CSMD1: variants seen among roughly 807,000 people sequenced by gnomAD.
CSMD1 encodes CUB and Sushi multiple domains 1, also known as CUB and sushi domain-containing protein 1.
In CSMD1, 213 loss-of-function variants were observed where a neutral mutation model predicts 417.5. The ratio of observed to expected loss-of-function variants is 0.51; its 90% CI spans 0.46 to 0.57. CSMD1 has a LOEUF of 0.57. Among genes scored for constraint, CSMD1 ranks in the 20% least tolerant of loss-of-function variants. The probability of loss-of-function intolerance (pLI) is 0.00; values close to 1 mark genes in which losing one functional copy is unlikely to be tolerated. For missense variants in CSMD1, 6,923 were observed against 4,529.7 expected (o/e 1.53, Z -15.17); for synonymous variants, 2,862 against 1,736.8 (o/e 1.65, Z -16.11).
intron 27 of CSMD1, among the ~76,000 whole-genome samples, chr8:3,226,303 C>T (rs1301064897): frequency 6.6e-6 from 1 of 152,100 alleles, no homozygotes; most frequent in Non-Finnish European, 1.5e-5. Flanking sequence ...GAAGTTGAAG[C>T]CGAACGTGGT....
At chr8:4,033,799 C>T (rs532540239) in intron 3 of CSMD1, among the ~76,000 whole-genome samples, 6 of 152,152 alleles carry the variant, frequency 3.9e-5, no homozygotes, top group Admixed American at 3.3e-4. Context: ...GATTCTCTAT[C>T]TAAATCAATT....
chr8:3,903,861 G>C (rs1276769833), intron 5 of CSMD1, among the ~76,000 whole-genome samples: 2 of 151,746 alleles, frequency 1.3e-5, no homozygotes, highest in East Asian at 3.9e-4. Flanking sequence ...TTGTTAGGGA[G>C]TCATTGCCAT....
At chr8:4,622,966 A>C (rs1801868220) in intron 2 of CSMD1, among the ~76,000 whole-genome samples, 1 of 152,192 alleles carries the variant, frequency 6.6e-6, no homozygotes, top group Admixed American at 6.5e-5. Flanking sequence ...AGTTTTTTAT[A>C]TGTCACATGA....
rs1197486514 is a variant in CSMD1, at chr8:4,303,532, T to C, written c.415+116421A>G. On this transcript the variant is annotated intron_variant, in intron 3 of 69. Coordinates refer to ENST00000635120, the MANE Select transcript of CSMD1 (RefSeq NM_033225.6). ...AGCACGTCTATATTCAAAGATTCTGTAAAAGGAAAATAAATTTTAAAAAAT... is the reference window on the plus strand; with the variant it reads ...AGCACGTCTATATTCAAAGATTCTGCAAAAGGAAAATAAATTTTAAAAAAT... Among the ~76,000 whole-genome samples, 3 of 144,428 alleles carry C rather than the reference T, an allele frequency of 2.1e-5. No homozygotes were observed. The East Asian group carries it at 6.7e-4, about 32-fold the overall frequency. 94.8% of individuals were successfully genotyped at this position (144,428 alleles called of 152,430 possible). A position where few individuals can be genotyped will look rare whatever the true frequency, so the allele number is the denominator to read the frequency against.
At chr8:4,372,262 G>C (rs762512339) in intron 3 of CSMD1, among the ~76,000 whole-genome samples, 11 of 152,010 alleles carry the variant, frequency 7.2e-5, no homozygotes, top group African/African-American at 2.4e-4. Context: ...ACATAACGTC[G>C]GCTCTCCATT....
Position 3,087,169 on chromosome 8 carries a change from G to A in CSMD1, c.7402C>T (p.His2468Tyr). 6.2e-7 allele frequency: 1 copy of A among 1,613,898 alleles called. No homozygotes were observed. The highest frequency in any genetic ancestry group is 8.5e-7 in the Non-Finnish European group (1 of 1,179,892). Residue 2468 changes from histidine (H) to tyrosine (Y), a missense_variant, in exon 49 of 70, where the codon CAC (histidine) becomes TAC (tyrosine). His to Tyr is a moderately conservative substitution (Grantham distance 83, BLOSUM62 2). Coordinates refer to ENST00000635120, the MANE Select transcript of CSMD1 (RefSeq NM_033225.6). ...FCKPGYRMVG[H>Y]SNATCRRNPL... ...TTTCGTCTACAGGTTGCATTGCTGT[G>A]GCCGACCATTCGGTATCCAGGCTTG...
chr8:4,142,151 A>C (rs67715666), intron 3 of CSMD1, among the ~76,000 whole-genome samples: 45,257 of 150,930 alleles, frequency 0.3, 8,440 homozygotes, highest in Non-Finnish European at 0.39. Context: ...CATATGTTAA[A>C]AATGATACTG....
chr8:3,283,026 T>C (rs560856214), intron 26 of CSMD1, among the ~76,000 whole-genome samples: 2 of 152,270 alleles, frequency 1.3e-5, no homozygotes, highest in Admixed American at 1.3e-4. Context: ...TCTCCACTCC[T>C]TCCTCCTTCG....
At chr8:4,905,675 C>G (rs1046328981) in intron 1 of CSMD1, among the ~76,000 whole-genome samples, 3 of 151,768 alleles carry the variant, frequency 2.0e-5, no homozygotes, top group African/African-American at 7.3e-5. Flanking sequence ...AAAAAATTAG[C>G]CGGGCGTGGT....
intron 27 of CSMD1, among the ~76,000 whole-genome samples, chr8:3,224,861 C>T (rs1003864539): frequency 3.9e-5 from 6 of 152,026 alleles, no homozygotes; most frequent in Non-Finnish European, 2.9e-5. Flanking sequence ...AAAACACTGC[C>T]GAATTTATAA....
intron 3 of CSMD1, among the ~76,000 whole-genome samples, chr8:4,347,641 G>A (rs1267616929): frequency 2.0e-5 from 3 of 152,186 alleles, no homozygotes; most frequent in Non-Finnish European, 4.4e-5. Flanking sequence ...AGCAATGAAA[G>A]GAGGAGTGTA....
At chr8:3,878,638 A>T (rs1182372468) in intron 5 of CSMD1, among the ~76,000 whole-genome samples, 1 of 152,204 alleles carries the variant, frequency 6.6e-6, no homozygotes. Flanking sequence ...TGACAGAAAA[A>T]TCTCCAAAAG....
chr8:3,117,893 C>G (rs78685540), intron 42 of CSMD1, among the ~76,000 whole-genome samples: 3 of 152,082 alleles, frequency 2.0e-5, no homozygotes, highest in Admixed American at 2.0e-4. Context: ...GTTCCACCTC[C>G]GAGTAGCAAA....
At chr8:3,880,697 T>C (rs1012041353) in intron 5 of CSMD1, among the ~76,000 whole-genome samples, 29 of 152,176 alleles carry the variant, frequency 1.9e-4, no homozygotes, top group African/African-American at 5.8e-4. Context: ...GTTTCCCAAA[T>C]CCTCAGCTCC....
chr8:4,297,516 C>CTA (rs1563409793), intron 3 of CSMD1, among the ~76,000 whole-genome samples: 1 of 152,124 alleles, frequency 6.6e-6, no homozygotes, highest in African/African-American at 2.4e-5. Context: ...ATTTTTGCTT[C>CTA]TATAGCTGTT....
At chr8:4,276,349 T>C (rs1203956818) in intron 3 of CSMD1, among the ~76,000 whole-genome samples, 1 of 152,132 alleles carries the variant, frequency 6.6e-6, no homozygotes, top group East Asian at 1.9e-4. Flanking sequence ...CTAGAAACCG[T>C]CATTGTCAGC....
At chr8:4,632,870 G>A (rs1802606346) in intron 2 of CSMD1, among the ~76,000 whole-genome samples, 1 of 152,180 alleles carries the variant, frequency 6.6e-6, no homozygotes, top group Non-Finnish European at 1.5e-5. Flanking sequence ...GGGAATAAGA[G>A]GACAACATTC....
chr8:3,816,173 C>G (rs926971398), intron 5 of CSMD1, among the ~76,000 whole-genome samples: 2 of 152,152 alleles, frequency 1.3e-5, no homozygotes, highest in African/African-American at 4.8e-5. Flanking sequence ...AAAACCTTCC[C>G]TCTGTGCTCT....
intron 25 of CSMD1, among the ~76,000 whole-genome samples, chr8:3,296,647 G>A (rs1220046653): frequency 6.6e-6 from 1 of 152,106 alleles, no homozygotes; most frequent in Non-Finnish European, 1.5e-5. Flanking sequence ...AGCTGAATAT[G>A]GAGGTACCCA....
Sources: allele counts gnomAD v4.1 joint callset (sites outside exome capture counted in the v4.1 genomes callset), GRCh38; gene constraint gnomAD v4.1.1; transcripts MANE v1.5; gene names NCBI Gene and HGNC (gene_info 2026-07-23, HGNC 2026-07-21).